Variants in CUL2 observed in about 807,000 individuals in gnomAD.
CUL2 encodes cullin-2.
In CUL2, 22 loss-of-function variants were observed where a neutral mutation model predicts 110.2. That is an observed-to-expected ratio of 0.20 (90% CI 0.14 to 0.28). The LOEUF is 0.28. Among genes scored for constraint, CUL2 ranks in the 10% least tolerant of loss-of-function variants. CUL2 has a pLI of 1.00. For synonymous variants in CUL2, 279 were observed against 293.2 expected, an observed-to-expected ratio of 0.95 and a Z score of 0.49; for missense variants, 631 against 905.5, an observed-to-expected ratio of 0.70 and a Z score of 3.89.
At chr10:35,032,255 CTTT>C (rs2085497600) in intron 12 of CUL2, among the ~76,000 whole-genome samples, 177 bp downstream of exon 12, 1 of 152,118 alleles carries the variant, frequency 6.6e-6, no homozygotes, top group Non-Finnish European at 1.5e-5. Context: ...AATGGTTATT[CTTT>C]AAGACACATA....
intron 1 of CUL2, among the ~76,000 whole-genome samples, chr10:35,107,029 C>G (rs2087467744): frequency 6.6e-6 from 1 of 151,816 alleles, no homozygotes; most frequent in Admixed American, 6.6e-5. Flanking sequence ...GAGTAGAGTG[C>G]AGTGGCATGA....
chr10:35,077,742 A>G (rs946875885), intron 1 of CUL2, among the ~76,000 whole-genome samples: 1 of 151,044 alleles, frequency 6.6e-6, no homozygotes, highest in Non-Finnish European at 1.5e-5. Flanking sequence ...GCTTGAACCC[A>G]GGAGGCGGGG....
chr10:35,071,166 A>G lies in CUL2; in HGVS notation c.119+33T>C, dbSNP rs202169800. ...AGTTTTCAACAAATTTATCAATTTT[A>G]GAACATTGATCAAGCTGCCATTAAA... On this transcript the variant is annotated intron_variant, in intron 2 of 20. Transcript: ENST00000374749. 3.1e-6 allele frequency: 5 copies of G among 1,596,574 alleles called. No homozygotes were observed. In the Admixed American group the frequency reaches 6.9e-5, roughly 22 times the overall value.
At chr10:35,012,333 TAAGGTA>T (rs1225872102) in intron 19 of CUL2, among the ~76,000 whole-genome samples, 2 of 152,162 alleles carry the variant, frequency 1.3e-5, no homozygotes, top group African/African-American at 4.8e-5. Flanking sequence ...ACTGTACTGT[TAAGGTA>T]AAGAGGCAAT....
At position 35,033,357 on chromosome 10, in the gene CUL2, A is replaced by C. The variant is rs933980071; in HGVS notation, c.1003-84T>G. The C allele has an allele frequency of 8.9e-6, 8 of 898,984 alleles. No individual in the cohort carries two copies. In the African/African-American group the frequency reaches 1.4e-4, roughly 15 times the overall value. The allele number at this position is 898,984 out of a possible 1,614,324, so 55.7% of individuals were successfully genotyped here. A position where few individuals can be genotyped will look rare whatever the true frequency, so the allele number is the denominator to read the frequency against. ...ATGAGGTTTATTAGACTTATTAGTA[A>C]ATTTTTCCTCAAGGAAATTATGTTT... On this transcript the variant is annotated intron_variant, in intron 10 of 20. Coordinates refer to ENST00000374749, the MANE Select transcript of CUL2 (RefSeq NM_003591.4).
At chr10:35,011,781 G>C in intron 20 of CUL2, 67 bp downstream of exon 20, 1 of 759,798 alleles carries the variant, frequency 1.3e-6, no homozygotes, top group Non-Finnish European at 2.2e-6. Context: ...TAAGAAGAAA[G>C]AGACTGAATC....
intron 19 of CUL2, 30 bp downstream of exon 19, chr10:35,013,669 C>A: frequency 7.1e-7 from 1 of 1,415,832 alleles, no homozygotes; most frequent in South Asian, 1.3e-5. Context: ...GTTTCCCCCT[C>A]AAAAAAAACT....
intron 6 of CUL2, among the ~76,000 whole-genome samples, chr10:35,045,362 G>A (rs2085908317): frequency 6.6e-6 from 1 of 152,108 alleles, no homozygotes; most frequent in South Asian, 2.1e-4. Context: ...GCCAAGGTGG[G>A]AGGATCCCTG....
Position 35,010,267 on chromosome 10 carries a change from G to T in CUL2, c.*44C>A. 6.5e-7 allele frequency: 1 copy of T among 1,532,584 alleles called. No homozygotes were observed. The highest frequency in any genetic ancestry group is 8.8e-7 in the Non-Finnish European group (1 of 1,135,832). 94.9% of individuals were successfully genotyped at this position (1,532,584 alleles called of 1,614,324 possible). ...TTTTCCCACAGGAACACACCAAATG[G>T]TGATGGCAATGATCTTCTCACACCA... On this transcript the variant is annotated 3_prime_UTR_variant, in exon 21 of 21. Coordinates refer to ENST00000374749, the MANE Select transcript of CUL2 (RefSeq NM_003591.4).
At chr10:35,037,881 C>T (rs12250573) in intron 9 of CUL2, among the ~76,000 whole-genome samples, 4,517 of 151,612 alleles carry the variant, frequency 0.03, 222 homozygotes, top group African/African-American at 0.1. Context: ...TGGCCGGGCG[C>T]GGTGACTCAC....
intron 10 of CUL2, among the ~76,000 whole-genome samples, chr10:35,034,436 C>T (rs2085566804): frequency 6.6e-6 from 1 of 152,100 alleles, no homozygotes; most frequent in Non-Finnish European, 1.5e-5. Flanking sequence ...TGCCAAAAAC[C>T]AATCTGCAGC....
Position 35,029,473 on chromosome 10 carries a change from AAC to A in CUL2, c.1539+13_1539+14del. The A allele has an allele frequency of 6.8e-7, 1 of 1,469,586 alleles. No homozygotes were observed. Among genetic ancestry groups the A allele is most frequent in the Non-Finnish European group, 9.2e-7 (1 of 1,089,652 alleles). The allele number at this position is 1,469,586 out of a possible 1,614,324, so 91.0% of individuals were successfully genotyped here. Reference sequence around the variant, plus strand: ...AATGATTAGTAAATGCTCATAGTAAAACACATATTCATACCTGTAGAACATAT... The same window carrying A: ...AATGATTAGTAAATGCTCATAGTAAAACATATTCATACCTGTAGAACATAT... On this transcript the variant is annotated intron_variant, in intron 15 of 20. Transcript: ENST00000374749.
chr10:35,064,851 A>T (rs971333325), intron 2 of CUL2, among the ~76,000 whole-genome samples: 1 of 152,174 alleles, frequency 6.6e-6, no homozygotes, highest in African/African-American at 2.4e-5. Context: ...TATCCACTGC[A>T]TGTAAATGTA....
At chr10:35,102,007 A>C (rs899793516) in intron 1 of CUL2, among the ~76,000 whole-genome samples, 1 of 152,208 alleles carries the variant, frequency 6.6e-6, no homozygotes, top group Admixed American at 6.5e-5. Flanking sequence ...AGCCATTGCC[A>C]GGCAGGCCAA....
At chr10:35,015,081 T>C (rs2084992355) in intron 18 of CUL2, among the ~76,000 whole-genome samples, 1 of 151,974 alleles carries the variant, frequency 6.6e-6, no homozygotes, top group Non-Finnish European at 1.5e-5. Context: ...GGTCAGGAGT[T>C]CGAGACCAGC....
At chr10:35,056,871 T>C (rs2086252592) in intron 4 of CUL2, among the ~76,000 whole-genome samples, 1 of 152,230 alleles carries the variant, frequency 6.6e-6, no homozygotes, top group Admixed American at 6.5e-5. Context: ...CCTTCCATTT[T>C]GCCTGCTTTA....
chr10:35,039,560 T>A (rs1218690600), intron 8 of CUL2, among the ~76,000 whole-genome samples: 8 of 152,230 alleles, frequency 5.3e-5, no homozygotes, highest in Non-Finnish European at 1.0e-4. Context: ...ATTAAAGATT[T>A]AATTAAAATT....
At chr10:35,029,433 G>C (rs554901786) in intron 15 of CUL2, 55 bp downstream of exon 15, 1 of 1,178,528 alleles carries the variant, frequency 8.5e-7, no homozygotes. Flanking sequence ...TGAATCATTT[G>C]TATCAACGTA....
At chr10:35,070,452 G>A (rs1296039498) in intron 2 of CUL2, among the ~76,000 whole-genome samples, 1 of 151,942 alleles carries the variant, frequency 6.6e-6, no homozygotes, top group African/African-American at 2.4e-5. Context: ...AAGAATGTAC[G>A]CCCCATATAA....
Sources: allele counts gnomAD v4.1 joint callset (sites outside exome capture counted in the v4.1 genomes callset), GRCh38; gene constraint gnomAD v4.1.1; transcripts MANE v1.5; gene names NCBI Gene and HGNC (gene_info 2026-07-23, HGNC 2026-07-21).